BIRC6: variants seen among roughly 807,000 people sequenced by gnomAD.
BIRC6 encodes dual E2 ubiquitin-conjugating enzyme/E3 ubiquitin-protein ligase BIRC6.
Under a neutral mutation model 503.3 loss-of-function variants are expected in BIRC6, and 98 were observed. The ratio of observed to expected loss-of-function variants is 0.19; its 90% CI spans 0.17 to 0.23. The LOEUF is 0.23. Among genes scored for constraint, BIRC6 ranks in the 10% least tolerant of loss-of-function variants. The probability of loss-of-function intolerance (pLI) is 1.00; values close to 1 mark genes in which losing one functional copy is unlikely to be tolerated. For missense variants in BIRC6, 5,360 were observed against 5,806.0 expected (o/e 0.92, Z 2.50); for synonymous variants, 2,240 against 2,078.7 (o/e 1.08, Z -2.11).
At chr2:32,500,904 C>T (rs920663636) in intron 46 of BIRC6, among the ~76,000 whole-genome samples, 6 of 151,724 alleles carry the variant, frequency 4.0e-5, no homozygotes, top group Admixed American at 1.3e-4. Context: ...TGCGCCCTGC[C>T]AATTTTTTTT....
chr2:32,597,193 C>T (rs781462527), intron 68 of BIRC6, among the ~76,000 whole-genome samples: 10 of 152,190 alleles, frequency 6.6e-5, no homozygotes, highest in Non-Finnish European at 1.5e-4. Context: ...ATATGATTGG[C>T]TGCCATTTGT....
intron 45 of BIRC6, 108 bp from the exon 46 acceptor site, chr2:32,499,437 GAT>G: frequency 1.1e-6 from 1 of 947,324 alleles, no homozygotes; most frequent in Non-Finnish European, 1.5e-6. Flanking sequence ...CTTGTATTGT[GAT>G]AAGTTACTAC....
At chr2:32,377,847 C>T (rs1573769159) in intron 2 of BIRC6, 78 bp downstream of exon 2, 2 of 1,297,612 alleles carry the variant, frequency 1.5e-6, no homozygotes, top group East Asian at 2.5e-5. Flanking sequence ...GAAATTAAGT[C>T]ATCCTTTAAG....
At chr2:32,510,715 T>C in intron 53 of BIRC6, 81 bp downstream of exon 53, 1 of 962,552 alleles carries the variant, frequency 1.0e-6, no homozygotes, top group Admixed American at 1.9e-5. Context: ...AGTTTTTCCT[T>C]AGATGATCTC....
rs2045152478 is a variant in BIRC6 at position 32,439,455 on chromosome 2, G to A, written c.3632-53G>A. ...TCTTGTTCTATGAAGATGAAAAACA[G>A]TGGAATTTATTGGTGATTCAGTTAT... On this transcript the variant is annotated intron_variant, in intron 15 of 73. Transcript: ENST00000421745. 1.1e-5 allele frequency: 17 copies of A among 1,515,734 alleles called. No individual in the cohort carries two copies. The South Asian group carries it at 1.8e-4, about 16-fold the overall frequency. The allele number at this position is 1,515,734 out of a possible 1,614,324, so 93.9% of individuals were successfully genotyped here.
chr2:32,357,293 G>A lies in BIRC6; in HGVS notation c.132G>A (p.Ala44=), dbSNP rs1056363953. 2.2e-5 allele frequency: 33 copies of A among 1,523,672 alleles called. No homozygotes were observed. In the African/African-American group the frequency reaches 3.9e-4, roughly 18 times the overall value. 94.4% of individuals were successfully genotyped at this position (1,523,672 alleles called of 1,614,324 possible). Residue 44 remains alanine (A), a synonymous_variant, in exon 1 of 74, where the codon GCG becomes GCA. Coordinates refer to ENST00000421745, the MANE Select transcript of BIRC6 (RefSeq NM_016252.4). This position sits in a 1 kb window ranked among gnomAD's most constrained non-coding sequence, Gnocchi z 4.9. ...AAASGPGCSS[A]AGAGAAGVSE... ...CCTCGGGCCCCGGCTGCTCCTCGGC[G>A]GCGGGGGCGGGGGCGGCCGGGGTCT... is the stretch of plus-strand genomic sequence containing the variant.
At position 32,493,554 on chromosome 2, in the gene BIRC6, T is replaced by C. The variant is rs1042728411; in HGVS notation, c.8355T>C (p.Ala2785=). 5.6e-6 allele frequency: 9 copies of C among 1,609,906 alleles called. No homozygotes were observed. Among genetic ancestry groups the C allele is most frequent in the African/African-American group, 5.3e-5 (4 of 74,894 alleles). Residue 2785 remains alanine, a synonymous_variant, in exon 45 of 74, where the codon GCT becomes GCC. Coordinates refer to ENST00000421745, the MANE Select transcript of BIRC6 (RefSeq NM_016252.4). ...TTTCTCTTTAGGTTGGTCCTACAGCTACACAAGCTATGCAAGAATTTCTTA... is the reference window on the plus strand; with the variant it reads ...TTTCTCTTTAGGTTGGTCCTACAGCCACACAAGCTATGCAAGAATTTCTTA... ...NQHSPQVGPT[A]TQAMQEFLTR...
intron 37 of BIRC6, among the ~76,000 whole-genome samples, chr2:32,480,686 G>T (rs2050302589): frequency 8.1e-6 from 1 of 122,836 alleles, no homozygotes; most frequent in African/African-American, 3.1e-5. Context: ...TTGTCACCCA[G>T]GCTGGAGCAC....
chr2:32,357,566 G>T lies in BIRC6; in HGVS notation c.325+80G>T. On this transcript the variant is annotated intron_variant, in intron 1 of 73. Transcript: ENST00000421745. The surrounding 1 kb of genome is among the most constrained non-coding windows in gnomAD (Gnocchi z 4.9). The stretch of plus-strand genomic sequence containing the variant: ...CCCGGGGCTCGGCCTCGCGACTCGG[G>T]GAAGCGAGATGGCGAGAGGGCAGGG... The T allele has an allele frequency of 6.7e-7, 1 of 1,502,236 alleles. No homozygotes were observed. The highest frequency in any genetic ancestry group is 8.8e-7 in the Non-Finnish European group (1 of 1,130,860). The allele number at this position is 1,502,236 out of a possible 1,614,324, so 93.1% of individuals were successfully genotyped here. A position where few individuals can be genotyped will look rare whatever the true frequency, so the allele number is the denominator to read the frequency against.
chr2:32,460,218 A>G (rs1435521151), intron 23 of BIRC6, among the ~76,000 whole-genome samples: 11 of 130,636 alleles, frequency 8.4e-5, no homozygotes, highest in African/African-American at 3.2e-4. Context: ...TGATATATAT[A>G]TATCTCATAT....
intron 70 of BIRC6, among the ~76,000 whole-genome samples, chr2:32,600,156 A>G (rs570109193): frequency 2.0e-5 from 3 of 152,334 alleles, no homozygotes; most frequent in Non-Finnish European, 2.9e-5. Flanking sequence ...GATACATGCT[A>G]TTAGGAACTT....
At chr2:32,463,146 T>G (rs1334704724) in intron 23 of BIRC6, 48 bp from the exon 24 acceptor site, 1 of 1,471,950 alleles carries the variant, frequency 6.8e-7, no homozygotes, top group East Asian at 2.4e-5. Flanking sequence ...AACCTTTTCT[T>G]CATCCTGGTG....
chr2:32,492,983 C>A (rs2051937006), intron 44 of BIRC6, among the ~76,000 whole-genome samples: 1 of 149,764 alleles, frequency 6.7e-6, no homozygotes, highest in Non-Finnish European at 1.5e-5. Context: ...TGTTCACTAT[C>A]ATTTCTTTCA....
rs769151141 is a variant in BIRC6, at chr2:32,467,981, A to C, written c.5650A>C (p.Ile1884Leu). 5.0e-6 allele frequency: 8 copies of C among 1,613,816 alleles called. No homozygotes were observed. The highest frequency in any genetic ancestry group is 6.8e-6 in the Non-Finnish European group (8 of 1,179,830). Reference sequence around the variant, plus strand: ...AGGATTTTACTATGGTCATACCTACATCTTGCCTTGGGAAAGTGAACTGAA... The same window carrying C: ...AGGATTTTACTATGGTCATACCTACCTCTTGCCTTGGGAAAGTGAACTGAA... ...PLGFYYGHTY[I>L]LPWESELKLM... The change falls in exon 28 of 74, where the codon ATC (isoleucine) becomes CTC (leucine). Residue 1884 changes from isoleucine to leucine, a missense_variant. By Grantham distance (5) the Ile-to-Leu change is conservative. Coordinates refer to ENST00000421745, the MANE Select transcript of BIRC6 (RefSeq NM_016252.4).
At chr2:32,413,170 C>T (rs557982534) in intron 9 of BIRC6, among the ~76,000 whole-genome samples, 109 of 148,804 alleles carry the variant, frequency 7.3e-4, no homozygotes, top group African/African-American at 2.2e-3. Context: ...CCACCATGCC[C>T]GGCTAATTTT....
At chr2:32,429,044 T>G (rs2043827782) in intron 10 of BIRC6, 102 bp from the exon 11 acceptor site, 1 of 978,652 alleles carries the variant, frequency 1.0e-6, no homozygotes, top group Non-Finnish European at 1.4e-6. Flanking sequence ...TTTCCTTATC[T>G]GCCTATGAAG....
At chr2:32,402,619 T>G (rs895993653) in intron 8 of BIRC6, among the ~76,000 whole-genome samples, 1 of 152,248 alleles carries the variant, frequency 6.6e-6, no homozygotes, top group Non-Finnish European at 1.5e-5. Flanking sequence ...ACATGTTGAT[T>G]AAAGCCTTGT....
chr2:32,548,486 T>A lies in BIRC6; in HGVS notation c.12975+472T>A, dbSNP rs979011866. 4.0e-5 allele frequency among the ~76,000 whole-genome samples: 6 copies of A among 151,698 alleles called. No individual in the cohort carries two copies. In the South Asian group the frequency reaches 1.3e-3, roughly 32 times the overall value. On this transcript the variant is annotated intron_variant, in intron 64 of 73. Transcript: ENST00000421745. ...CAGGTTCACGGTTGCTTACATTTTTTAAAATAACTTTTCAGCCGGGCGTGG... is the reference window on the plus strand; with the variant it reads ...CAGGTTCACGGTTGCTTACATTTTTAAAAATAACTTTTCAGCCGGGCGTGG...
At chr2:32,393,509 C>G (rs960559834) in intron 5 of BIRC6, among the ~76,000 whole-genome samples, 1 of 152,018 alleles carries the variant, frequency 6.6e-6, no homozygotes, top group Non-Finnish European at 1.5e-5. Flanking sequence ...GGTTATTTAA[C>G]TTTATTTATT....
Sources: gnomAD v4.1 joint callset for allele counts (sites outside exome capture counted in the v4.1 genomes callset) on GRCh38, gnomAD v4.1.1 for gene constraint, Gnocchi (gnomAD v3.1) non-coding constraint, MANE v1.5 for transcripts, NCBI Gene and HGNC (gene_info 2026-07-23, HGNC 2026-07-21) for gene names.